Variants in ANKS1A observed in about 807,000 individuals in gnomAD.
The protein encoded by ANKS1A is ankyrin repeat and sterile alpha motif domain containing 1A.
ANKS1A carries 55 observed loss-of-function variants against 120.3 expected under a neutral mutation model. That is an observed-to-expected ratio of 0.46 (90% CI 0.37 to 0.57). The LOEUF (loss-of-function observed/expected upper bound fraction) is 0.57. Ranked by LOEUF, ANKS1A falls within the 20% of genes least tolerant of loss-of-function variation. The pLI is 0.00. For missense variants in ANKS1A, 1,123 were observed against 1,480.3 expected (o/e 0.76, Z 3.96); for synonymous variants, 590 against 604.7 (o/e 0.98, Z 0.36).
intron 13 of ANKS1A, among the ~76,000 whole-genome samples, chr6:35,068,700 G>A (rs981896790): frequency 6.6e-6 from 1 of 152,208 alleles, no homozygotes; most frequent in Non-Finnish European, 1.5e-5. Flanking sequence ...CTGGAGGGCT[G>A]CAGGGAGAAG....
Position 35,060,095 on chromosome 6 carries a change from C to A in ANKS1A, c.2078-52C>A. ...ATCTTCCTCTGAGTGCCGCTGCTAC[C>A]GCCTTAATGGTTTTTCCCTTTTCAA... is the stretch of plus-strand genomic sequence containing the variant. On this transcript the variant is annotated intron_variant, in intron 12 of 23. Transcript: ENST00000360359. The surrounding 1 kb of genome is among the most constrained non-coding windows in gnomAD (Gnocchi z 4.5). The A allele has an allele frequency of 6.8e-7, 1 of 1,478,862 alleles. No individual in the cohort carries two copies. Among genetic ancestry groups the A allele is most frequent in the Non-Finnish European group, 9.3e-7 (1 of 1,069,762 alleles). 91.6% of individuals were successfully genotyped at this position (1,478,862 alleles called of 1,614,324 possible).
Position 34,970,160 on chromosome 6 carries a change from T to C in ANKS1A, c.429T>C (p.Asn143=), listed in dbSNP as rs1418916893. The C allele has an allele frequency of 1.9e-6, 3 of 1,612,996 alleles. No homozygotes were observed. The highest frequency in any genetic ancestry group is 1.7e-6 in the Non-Finnish European group (2 of 1,179,706). Residue 143 remains asparagine (N), a synonymous_variant, in exon 3 of 24, where the codon AAT becomes AAC. Transcript: ENST00000360359. The part of the protein sequence containing the change: ...IHQGPSHTRV[N]EQNNDNETAL... Reference sequence around the variant, plus strand: ...AAGGGCCTTCACACACCAGAGTCAATGAACAGGTCGGAAGGAAGGGAGGCT... The same window carrying C: ...AAGGGCCTTCACACACCAGAGTCAACGAACAGGTCGGAAGGAAGGGAGGCT...
At position 34,983,227 on chromosome 6, in the gene ANKS1A, C is replaced by T; in HGVS notation, c.910+13C>T. 1.2e-6 allele frequency: 2 copies of T among 1,613,720 alleles called. No individual in the cohort carries two copies. The highest frequency in any genetic ancestry group is 1.7e-6 in the Non-Finnish European group (2 of 1,179,648). ...GCATTAATTGAAGGTATCATCCTTT[C>T]TCCCTGTCTGGGTGACCAGGGGACA... On this transcript the variant is annotated intron_variant, in intron 6 of 23. Coordinates refer to ENST00000360359, the MANE Select transcript of ANKS1A (RefSeq NM_015245.3).
Position 35,023,641 on chromosome 6 carries a change from T to C in ANKS1A, c.2010+5582T>C, listed in dbSNP as rs1774465083. On this transcript the variant is annotated intron_variant, in intron 11 of 23. Coordinates refer to ENST00000360359, the MANE Select transcript of ANKS1A (RefSeq NM_015245.3). Reference sequence around the variant, plus strand: ...CCTCCAGGAAAATCTCAGGGAGAAGTATCACAAGCAGCAGTGGTAGCTGTT... The same window carrying C: ...CCTCCAGGAAAATCTCAGGGAGAAGCATCACAAGCAGCAGTGGTAGCTGTT... 1.7e-5 allele frequency: 8 copies of C among 475,592 alleles called. No individual in the cohort carries two copies. In the Admixed American group the frequency reaches 1.8e-4, roughly 11 times the overall value. 29.5% of individuals were successfully genotyped at this position (475,592 alleles called of 1,614,324 possible). A position where few individuals can be genotyped will look rare whatever the true frequency, so the allele number is the denominator to read the frequency against.
chr6:35,020,303 T>A (rs1197224586), intron 11 of ANKS1A, among the ~76,000 whole-genome samples: 3 of 152,202 alleles, frequency 2.0e-5, no homozygotes, highest in Admixed American at 1.3e-4. Context: ...ACATATAGCA[T>A]TTACATTGTA....
chr6:35,089,417 G>A lies in ANKS1A; in HGVS notation c.*808G>A. The stretch of plus-strand genomic sequence containing the variant: ...AGTGATCGGAGCACTGCCCTGGGCT[G>A]GCCGGCGCCGTACTGCCTGCGTTGT... On this transcript the variant is annotated 3_prime_UTR_variant, in exon 24 of 24. Coordinates refer to ENST00000360359, the MANE Select transcript of ANKS1A (RefSeq NM_015245.3). The A allele has an allele frequency of 1.0e-6, 1 of 986,788 alleles. No homozygotes were observed. Among genetic ancestry groups the A allele is most frequent in the South Asian group, 4.7e-5 (1 of 21,302 alleles). 61.1% of individuals were successfully genotyped at this position (986,788 alleles called of 1,614,324 possible).
At chr6:35,070,968 G>T in intron 13 of ANKS1A, 1 of 588,502 alleles carries the variant, frequency 1.7e-6, no homozygotes, top group South Asian at 1.4e-5. Context: ...ACTTTCCAGG[G>T]TTTCCCCTCT....
chr6:35,036,076 G>A (rs1223494445), intron 11 of ANKS1A, among the ~76,000 whole-genome samples: 4 of 152,224 alleles, frequency 2.6e-5, no homozygotes, highest in Non-Finnish European at 4.4e-5. Context: ...TATCAGGGGA[G>A]TACCAATTAT....
chr6:35,072,595 G>A (rs1777137553), intron 13 of ANKS1A, among the ~76,000 whole-genome samples: 1 of 152,216 alleles, frequency 6.6e-6, no homozygotes, highest in Non-Finnish European at 1.5e-5. Context: ...AGAGGCCTGG[G>A]CCCACATCCT....
Position 34,889,284 on chromosome 6 carries a change from A to G in ANKS1A, c.-119A>G. Reference sequence around the variant, plus strand: ...ACGCGCTCGTGGGGAAAAGGCAGGGAGGGGGTGGTGTCCCCAGCCGGTTTG... The same window carrying G: ...ACGCGCTCGTGGGGAAAAGGCAGGGGGGGGGTGGTGTCCCCAGCCGGTTTG... On this transcript the variant is annotated 5_prime_UTR_variant, in exon 1 of 24. Transcript: ENST00000360359. This position sits in a 1 kb window ranked among gnomAD's most constrained non-coding sequence, Gnocchi z 5.5. The G allele has an allele frequency of 8.3e-7, 1 of 1,200,686 alleles. No individual in the cohort carries two copies. Among genetic ancestry groups the G allele is most frequent in the Non-Finnish European group, 1.0e-6 (1 of 963,914 alleles). 74.4% of individuals were successfully genotyped at this position (1,200,686 alleles called of 1,614,324 possible).
intron 11 of ANKS1A, chr6:35,038,242 A>G: frequency 2.2e-6 from 1 of 456,704 alleles, no homozygotes; most frequent in South Asian, 1.5e-5. Context: ...AGGGAGCTTC[A>G]TGCCTGGCCT....
At chr6:35,031,472 AC>A (rs1302775552) in intron 11 of ANKS1A, among the ~76,000 whole-genome samples, 1 of 152,100 alleles carries the variant, frequency 6.6e-6, no homozygotes, top group Non-Finnish European at 1.5e-5. Flanking sequence ...TGTCTAAATG[AC>A]CCTGAGCCAG....
chr6:35,023,231 T>TA (rs1161994210), intron 11 of ANKS1A, among the ~76,000 whole-genome samples: 7 of 152,136 alleles, frequency 4.6e-5, no homozygotes, highest in Admixed American at 3.9e-4. Context: ...CCCTGCACCT[T>TA]ACCCAAACCT....
At chr6:34,915,552 G>A (rs1322539180) in intron 1 of ANKS1A, among the ~76,000 whole-genome samples, 1 of 152,140 alleles carries the variant, frequency 6.6e-6, no homozygotes, top group African/African-American at 2.4e-5. Context: ...TTACTGTGCT[G>A]CCCAGGCTGG....
intron 10 of ANKS1A, among the ~76,000 whole-genome samples, chr6:34,995,093 ACTCTTGTGACCTTTCCCAGCT>A (rs951264292): frequency 3.3e-5 from 5 of 151,922 alleles, no homozygotes; most frequent in African/African-American, 1.2e-4. Flanking sequence ...GTTTGAAGGA[ACTCTTGTGACCTTTCCCAGCT>A]CTCTACAGCT....
At chr6:35,094,881 C>A (rs867655904), downstream of ANKS1A, among the ~76,000 whole-genome samples, 10 of 152,264 alleles carry the variant, frequency 6.6e-5, no homozygotes, top group South Asian at 1.0e-3. Context: ...TGGCTCATGT[C>A]TGTAATCCTA....
chr6:35,071,122 T>C, intron 13 of ANKS1A: 1 of 312,082 alleles, frequency 3.2e-6, no homozygotes, highest in African/African-American at 2.2e-5. Context: ...AGAAAATCTT[T>C]GAATCCACTT....
rs148546603 is a variant in ANKS1A, at chr6:35,085,159, G to A, written c.3133-607G>A. Reference sequence around the variant, plus strand: ...CTGGCTGTGTGAGCTTGGAAACATCGCATCTGCCTGCTTCCTCATCTGTCT... The same window carrying A: ...CTGGCTGTGTGAGCTTGGAAACATCACATCTGCCTGCTTCCTCATCTGTCT... On this transcript the variant is annotated intron_variant, in intron 21 of 23. Transcript: ENST00000360359. This position sits in a 1 kb window ranked among gnomAD's most constrained non-coding sequence, Gnocchi z 4.7. Among the ~76,000 whole-genome samples, 39 of 152,224 alleles carry A rather than the reference G, an allele frequency of 2.6e-4. No individual in the cohort carries two copies. The highest frequency in any genetic ancestry group is 5.0e-4 in the Non-Finnish European group (34 of 68,016).
chr6:35,093,634 A>G (rs371028275), downstream of ANKS1A, among the ~76,000 whole-genome samples: 6 of 152,218 alleles, frequency 3.9e-5, no homozygotes, highest in Non-Finnish European at 7.3e-5. Context: ...ACTAACGCCT[A>G]TGTCTCGGAA....
Sources: allele counts gnomAD v4.1 joint callset (sites outside exome capture counted in the v4.1 genomes callset), GRCh38; gene constraint gnomAD v4.1.1; non-coding constraint Gnocchi (gnomAD v3.1); transcripts MANE v1.5; gene names NCBI Gene and HGNC (gene_info 2026-07-23, HGNC 2026-07-21).